The following CLEC19A variants were observed in gnomAD, a reference collection of about 807,000 sequenced individuals.
CLEC19A encodes the protein C-type lectin domain containing 19A.
CLEC19A carries 21 observed loss-of-function variants against 26.1 expected under a neutral mutation model. The ratio of observed to expected loss-of-function variants is 0.80; its 90% CI spans 0.57 to 1.16. The LOEUF (loss-of-function observed/expected upper bound fraction) is 1.16. Ranked by LOEUF, CLEC19A falls within the 50% of genes most tolerant of loss-of-function variation. The pLI is 0.00. For missense variants in CLEC19A, 224 were observed against 227.6 expected (o/e 0.98, Z 0.10); for synonymous variants, 89 against 88.6 (o/e 1.00, Z -0.03).
chr16:19,287,433 C>T (rs72781306), intron 1 of CLEC19A, among the ~76,000 whole-genome samples: 5 of 152,190 alleles, frequency 3.3e-5, no homozygotes, highest in Non-Finnish European at 5.9e-5. Context: ...CATTGGGAGT[C>T]AGAGCTTTAA....
chr16:19,304,339 C>A, intron 3 of CLEC19A, 184 bp downstream of exon 3: 1 of 500,924 alleles, frequency 2.0e-6, no homozygotes, highest in South Asian at 2.3e-5. Context: ...TGATGTCCTA[C>A]TAAATGATGG....
intron 2 of CLEC19A, among the ~76,000 whole-genome samples, chr16:19,301,671 C>A (rs911959360): frequency 2.6e-5 from 4 of 151,072 alleles, no homozygotes; most frequent in African/African-American, 7.3e-5. Flanking sequence ...TCAAGTGATT[C>A]CCCTGCCTCA....
rs990219782 is a variant in CLEC19A, at chr16:19,308,997, A to G, written c.482-7A>G. On this transcript the variant is annotated splice_polypyrimidine_tract_variant and splice_region_variant and intron_variant, in intron 4 of 4. Coordinates refer to ENST00000636231, the MANE Select transcript of CLEC19A (RefSeq NM_001256720.2). ...TCACCCAGATTCTCTGCTTCTTTCC[A>G]TCACAGCTCTGAGGTCATGGAATGA... 6.5e-7 allele frequency: 1 copy of G among 1,547,978 alleles called. No individual in the cohort carries two copies.
chr16:19,301,415 C>G (rs747622210), intron 2 of CLEC19A, among the ~76,000 whole-genome samples: 54 of 152,142 alleles, frequency 3.5e-4, no homozygotes, highest in Admixed American at 6.5e-4. Flanking sequence ...CTGTGGGGGA[C>G]AGTATGAGCA....
At chr16:19,297,635 G>C (rs1283343236) in intron 1 of CLEC19A, among the ~76,000 whole-genome samples, 1 of 152,136 alleles carries the variant, frequency 6.6e-6, no homozygotes, top group Non-Finnish European at 1.5e-5. Context: ...CTCAGTAGAG[G>C]ATTCAAGAGC....
rs1168142366 is a variant in CLEC19A, at chr16:19,310,351, G to A, written c.*1268G>A. On this transcript the variant is annotated 3_prime_UTR_variant, in exon 5 of 5. Transcript: ENST00000636231. The stretch of plus-strand genomic sequence containing the variant: ...CCAAGCATGGTGATGCACATCTGTA[G>A]TCCCAGCTGTTTGGGAGGCTGAGAT... 6.6e-6 allele frequency: 1 copy of A among 151,940 alleles called. No individual in the cohort carries two copies. Among genetic ancestry groups the A allele is most frequent in the East Asian group, 1.9e-4 (1 of 5,162 alleles). The allele number at this position is 151,940 out of a possible 1,614,324, so 9.4% of individuals were successfully genotyped here.
chr16:19,290,522 C>A (rs1897562282), intron 1 of CLEC19A, among the ~76,000 whole-genome samples: 1 of 152,226 alleles, frequency 6.6e-6, no homozygotes, highest in African/African-American at 2.4e-5. Flanking sequence ...TCCTCCGGGT[C>A]TCAGTTGAGA....
chr16:19,286,003 T>C, intron 1 of CLEC19A, 64 bp downstream of exon 1: 12 of 1,470,306 alleles, frequency 8.2e-6, no homozygotes, highest in African/African-American at 1.4e-5. Context: ...ACTTATTCTA[T>C]CGGTGAGGCC....
intron 2 of CLEC19A, 81 bp downstream of exon 2, chr16:19,298,919 C>T: frequency 7.2e-7 from 1 of 1,380,036 alleles, no homozygotes. Flanking sequence ...TTCCAACTGG[C>T]ATTTCTCTTT....
At chr16:19,288,819 G>A (rs1897524522) in intron 1 of CLEC19A, among the ~76,000 whole-genome samples, 1 of 152,142 alleles carries the variant, frequency 6.6e-6, no homozygotes, top group East Asian at 1.9e-4. Flanking sequence ...GAAATTTATA[G>A]CAAAGTGTTT....
intron 2 of CLEC19A, among the ~76,000 whole-genome samples, chr16:19,299,965 T>G (rs941718814): frequency 2.0e-5 from 3 of 152,180 alleles, no homozygotes; most frequent in Admixed American, 1.3e-4. Context: ...GGCTCACGCC[T>G]GTAATCCCAA....
Position 19,301,745 on chromosome 16 carries a change from T to TTTG in CLEC19A, c.255-2315_255-2314insGTT, listed in dbSNP as rs1392202228. Among the ~76,000 whole-genome samples the TTTG allele has an allele frequency of 1.0e-3, 121 of 118,798 alleles. 3 individuals carry two copies. The highest frequency in any genetic ancestry group is 4.2e-3 in the African/African-American group (115 of 27,388). The allele number at this position is 118,798 out of a possible 152,430, so 77.9% of individuals were successfully genotyped here. A position where few individuals can be genotyped will look rare whatever the true frequency, so the allele number is the denominator to read the frequency against. On this transcript the variant is annotated intron_variant, in intron 2 of 4. Coordinates refer to ENST00000636231, the MANE Select transcript of CLEC19A (RefSeq NM_001256720.2). The stretch of plus-strand genomic sequence containing the variant: ...TGCCCAGGTTTTTTTGGTTTTTTTT[T>TTTG]TTTTTTTTTTTTTTTTTTTGTATTT...
At chr16:19,287,915 T>C (rs1211452922) in intron 1 of CLEC19A, among the ~76,000 whole-genome samples, 4 of 152,332 alleles carry the variant, frequency 2.6e-5, no homozygotes, top group Middle Eastern at 3.4e-3. Context: ...AGGAGACAGT[T>C]TTCTATTCTG....
At chr16:19,304,737 G>A (rs1897914613) in intron 3 of CLEC19A, 2 of 152,348 alleles carry the variant, frequency 1.3e-5, no homozygotes, top group African/African-American at 4.8e-5. Flanking sequence ...ATGATTAGAT[G>A]TGCAAGAGAT....
chr16:19,291,653 A>G (rs942955101), intron 1 of CLEC19A, among the ~76,000 whole-genome samples: 1 of 152,260 alleles, frequency 6.6e-6, no homozygotes, highest in Non-Finnish European at 1.5e-5. Flanking sequence ...CACAAGAGAC[A>G]GATTAGCAGA....
intron 2 of CLEC19A, among the ~76,000 whole-genome samples, chr16:19,302,055 A>T (rs1370736627): frequency 6.6e-6 from 1 of 151,948 alleles, no homozygotes; most frequent in Non-Finnish European, 1.5e-5. Context: ...TTAACGTTCC[A>T]TATCAGTTCA....
Position 19,309,182 on chromosome 16 carries a change from A to G in CLEC19A, c.*99A>G, listed in dbSNP as rs1898017448. 2.3e-6 allele frequency: 2 copies of G among 880,640 alleles called. No homozygotes were observed. Among genetic ancestry groups the G allele is most frequent in the African/African-American group, 3.4e-5 (2 of 59,186 alleles). 54.6% of individuals were successfully genotyped at this position (880,640 alleles called of 1,614,324 possible). ...TGAATACATGTAAAACATACATAGG[A>G]AGTAAATCTCTTGGACAGAGATTTT... On this transcript the variant is annotated 3_prime_UTR_variant, in exon 5 of 5. Coordinates refer to ENST00000636231, the MANE Select transcript of CLEC19A (RefSeq NM_001256720.2).
At chr16:19,299,799 C>T (rs76213137) in intron 2 of CLEC19A, among the ~76,000 whole-genome samples, 26,710 of 152,210 alleles carry the variant, frequency 0.18, 2,800 homozygotes, top group Non-Finnish European at 0.22. Flanking sequence ...TTTTCTCAGG[C>T]CAGGTGTGAT....
chr16:19,300,799 A>G (rs1378789154), intron 2 of CLEC19A, among the ~76,000 whole-genome samples: 1 of 152,206 alleles, frequency 6.6e-6, no homozygotes, highest in African/African-American at 2.4e-5. Context: ...AGAGATACAT[A>G]GGAGCAGAAA....
Sources: gnomAD v4.1 joint callset for allele counts (sites outside exome capture counted in the v4.1 genomes callset) on GRCh38, gnomAD v4.1.1 for gene constraint, MANE v1.5 for transcripts, NCBI Gene and HGNC (gene_info 2026-07-23, HGNC 2026-07-21) for gene names.